RBM17: variants seen among roughly 807,000 people sequenced by gnomAD.
RBM17 encodes RNA binding motif protein 17.
RBM17 carries 7 observed loss-of-function variants against 53.2 expected under a neutral mutation model. That is an observed-to-expected ratio of 0.13 (90% CI 0.07 to 0.25). RBM17 has a LOEUF of 0.25. RBM17 is among the 10% of genes least tolerant of loss of function. The probability of loss-of-function intolerance (pLI) is 1.00; values close to 1 mark genes in which losing one functional copy is unlikely to be tolerated. For synonymous variants in RBM17, 167 were observed against 178.1 expected, an observed-to-expected ratio of 0.94 and a Z score of 0.50; for missense variants, 257 against 496.7, an observed-to-expected ratio of 0.52 and a Z score of 4.59.
Position 6,112,069 on chromosome 10 carries a change from TCCTAGTTAATGA to T in RBM17, c.705-140_705-129del. ...CCACAGCTTCCATCTAATAGCCCAC[TCCTAGTTAATGA>T]GTGACTTTGTTGAAGCCCCTGTGGA... On this transcript the variant is annotated intron_variant, in intron 7 of 11. Coordinates refer to ENST00000379888, the MANE Select transcript of RBM17 (RefSeq NM_032905.5). The surrounding 1 kb of genome is among the most constrained non-coding windows in gnomAD (Gnocchi z 4.4). The T allele has an allele frequency of 1.4e-6, 1 of 722,420 alleles. No homozygotes were observed. The highest frequency in any genetic ancestry group is 1.8e-5 in the South Asian group (1 of 55,040). The allele number at this position is 722,420 out of a possible 1,614,324, so 44.8% of individuals were successfully genotyped here.
chr10:6,113,987 C>A, intron 9 of RBM17, 62 bp from the exon 10 acceptor site: 1 of 1,051,828 alleles, frequency 9.5e-7, no homozygotes, highest in Non-Finnish European at 1.5e-6. Context: ...TATTTATATA[C>A]CTCTGCTAGG....
rs1392933469 is a variant in RBM17 at position 6,089,598 on chromosome 10, C to G, written c.-19+405C>G. 6.6e-6 allele frequency: 1 copy of G among 152,586 alleles called. No individual in the cohort carries two copies. The highest frequency in any genetic ancestry group is 1.5e-5 in the Non-Finnish European group (1 of 68,240). 9.5% of individuals were successfully genotyped at this position (152,586 alleles called of 1,614,324 possible). On this transcript the variant is annotated intron_variant, in intron 1 of 11. Coordinates refer to ENST00000379888, the MANE Select transcript of RBM17 (RefSeq NM_032905.5). The surrounding 1 kb of genome is among the most constrained non-coding windows in gnomAD (Gnocchi z 5.6). ...CCCCCCTGGCCCTGCACGGTTGCCC[C>G]TCTCTGGGGCTCGGAGCCGGTTCCT... is the stretch of plus-strand genomic sequence containing the variant.
intron 1 of RBM17, among the ~76,000 whole-genome samples, chr10:6,092,041 A>G (rs937427947): frequency 3.3e-5 from 5 of 152,248 alleles, no homozygotes; most frequent in Non-Finnish European, 5.9e-5. Context: ...CTTCTGGCAG[A>G]ACCATGTTTG....
At chr10:6,113,611 C>G (rs1434261525) in intron 9 of RBM17, 30 bp downstream of exon 9, 1 of 1,466,246 alleles carries the variant, frequency 6.8e-7, no homozygotes, top group South Asian at 1.1e-5. Flanking sequence ...AAGCTCTCTG[C>G]CTGCCTAGAT....
At chr10:6,094,668 G>A (rs1269023783) in intron 1 of RBM17, among the ~76,000 whole-genome samples, 2 of 152,202 alleles carry the variant, frequency 1.3e-5, no homozygotes, top group Non-Finnish European at 2.9e-5. Flanking sequence ...TGGTTTTTCT[G>A]TGCTGTTGCT....
chr10:6,110,152 A>G (rs763099100), intron 7 of RBM17, 25 bp downstream of exon 7: 3 of 1,585,284 alleles, frequency 1.9e-6, no homozygotes, highest in Non-Finnish European at 2.6e-6. Flanking sequence ...TTCTTATCTA[A>G]GGACTTGAGA....
chr10:6,093,558 A>G (rs1200396310), intron 1 of RBM17, among the ~76,000 whole-genome samples: 1 of 152,232 alleles, frequency 6.6e-6, no homozygotes, highest in Non-Finnish European at 1.5e-5. Flanking sequence ...AATGCTTGCT[A>G]TATGACAGAA....
chr10:6,097,507 G>T (rs1840593689), intron 2 of RBM17, among the ~76,000 whole-genome samples: 1 of 152,120 alleles, frequency 6.6e-6, no homozygotes, highest in Non-Finnish European at 1.5e-5. Context: ...GACCATCCTG[G>T]CTAACAAGGT....
chr10:6,114,007 G>A (rs1263233840), intron 9 of RBM17, 42 bp from the exon 10 acceptor site: 1 of 1,322,906 alleles, frequency 7.6e-7, no homozygotes, highest in Non-Finnish European at 1.1e-6. Flanking sequence ...GTGTTTGTAA[G>A]TTATACTTGG....
chr10:6,101,811 T>C (rs540444834), intron 3 of RBM17, among the ~76,000 whole-genome samples: 72 of 152,336 alleles, frequency 4.7e-4, no homozygotes, highest in African/African-American at 1.7e-3. Flanking sequence ...TTTAATTCCT[T>C]TAATGCTGGA....
intron 1 of RBM17, among the ~76,000 whole-genome samples, chr10:6,094,599 C>T (rs1338226057): frequency 6.6e-6 from 1 of 152,216 alleles, no homozygotes; most frequent in Non-Finnish European, 1.5e-5. Flanking sequence ...ATGAAAGGTG[C>T]ATGGTCATTT....
chr10:6,102,252 G>T (rs1045164888), intron 3 of RBM17, among the ~76,000 whole-genome samples: 4 of 152,164 alleles, frequency 2.6e-5, no homozygotes, highest in African/African-American at 9.7e-5. Flanking sequence ...AGCAAGGCGC[G>T]CCTGTCCTCC....
intron 3 of RBM17, among the ~76,000 whole-genome samples, chr10:6,103,916 A>C (rs189993997): frequency 5.9e-5 from 9 of 152,332 alleles, no homozygotes. Context: ...TGTAAGAGGT[A>C]CAGACTGGGC....
Position 6,113,546 on chromosome 10 carries a change from A to G in RBM17, c.895A>G (p.Ile299Val), listed in dbSNP as rs1200347780. Residue 299 changes from isoleucine to valine, a missense_variant, in exon 9 of 12, where the codon ATA becomes GTA. Physicochemically the swap from Ile to Val is conservative, Grantham distance 29. This residue lies in a region of RBM17 where 49 missense variants were observed against 114.8 expected (regional missense o/e 0.43). Transcript: ENST00000379888. ...KKSDSNPLTE[I>V]LKCPTKVVLL... is the part of the protein sequence containing the mutation. Reference sequence around the variant, plus strand: ...GTCAGATTCAAATCCGCTGACTGAAATACTTAAGTGTCCTACTAAAGTGGT... The same window carrying G: ...GTCAGATTCAAATCCGCTGACTGAAGTACTTAAGTGTCCTACTAAAGTGGT... 6.2e-7 allele frequency: 1 copy of G among 1,613,518 alleles called. No individual in the cohort carries two copies.
chr10:6,098,389 G>A (rs959521986), intron 2 of RBM17, among the ~76,000 whole-genome samples: 2 of 152,056 alleles, frequency 1.3e-5, no homozygotes, highest in Non-Finnish European at 2.9e-5. Flanking sequence ...ATAAGATGAT[G>A]TCATTTTTGG....
chr10:6,099,494 A>G (rs948506018), intron 2 of RBM17, among the ~76,000 whole-genome samples: 2 of 152,182 alleles, frequency 1.3e-5, no homozygotes, highest in Admixed American at 6.5e-5. Context: ...CCAAAATCCA[A>G]GCGTGCCCAA....
chr10:6,094,287 A>G (rs1158760079), intron 1 of RBM17, among the ~76,000 whole-genome samples: 3 of 152,090 alleles, frequency 2.0e-5, no homozygotes, highest in East Asian at 3.8e-4. Context: ...CTGGTGTGGA[A>G]TGTTCTACTT....
intron 1 of RBM17, among the ~76,000 whole-genome samples, chr10:6,092,353 G>C (rs944294125): frequency 1.7e-4 from 26 of 152,156 alleles, no homozygotes; most frequent in Non-Finnish European, 5.9e-5. Context: ...TTCAGTAGTT[G>C]CGGTGGGGAG....
Position 6,112,390 on chromosome 10 carries a change from A to T in RBM17, c.856+29A>T. 1 of 1,612,970 alleles carries T rather than the reference A, an allele frequency of 6.2e-7. No homozygotes were observed. The highest frequency in any genetic ancestry group is 8.5e-7 in the Non-Finnish European group (1 of 1,179,586). On this transcript the variant is annotated intron_variant, in intron 8 of 11. Transcript: ENST00000379888. This position sits in a 1 kb window ranked among gnomAD's most constrained non-coding sequence, Gnocchi z 4.4. ...TGTCCCCAGGGAAGCGTGTGACTAGAGGGAAAGGACTGGCCCCATCCATAT... is the reference window on the plus strand; with the variant it reads ...TGTCCCCAGGGAAGCGTGTGACTAGTGGGAAAGGACTGGCCCCATCCATAT...
Sources: allele counts gnomAD v4.1 joint callset (sites outside exome capture counted in the v4.1 genomes callset), GRCh38; gene constraint gnomAD v4.1.1; regional missense constraint gnomAD v4.1.1; non-coding constraint Gnocchi (gnomAD v3.1); transcripts MANE v1.5; gene names NCBI Gene and HGNC (gene_info 2026-07-23, HGNC 2026-07-21).